The following CWF19L2 variants were observed in gnomAD, a reference collection of about 807,000 sequenced individuals.
The protein encoded by CWF19L2 is CWF19 like cell cycle control factor 2.
CWF19L2 carries 98 observed loss-of-function variants against 111.7 expected under a neutral mutation model. That is an observed-to-expected ratio of 0.88 (90% CI 0.75 to 1.04). CWF19L2 has a LOEUF of 1.04. Among genes scored for constraint, CWF19L2 ranks in the 50% least tolerant of loss-of-function variants. The pLI, the probability that CWF19L2 is intolerant of heterozygous loss-of-function variation, is 0.00. For synonymous variants in CWF19L2, 351 were observed against 342.9 expected (o/e 1.02, Z -0.26); for missense variants, 1,101 against 1,051.4 (o/e 1.05, Z -0.65).
chr11:107,359,433 C>T (rs1860289631), intron 12 of CWF19L2, among the ~76,000 whole-genome samples: 1 of 152,256 alleles, frequency 6.6e-6, no homozygotes, highest in South Asian at 2.1e-4. Flanking sequence ...GCTATGTCTT[C>T]CAGGATATAG....
Position 107,454,435 on chromosome 11 carries a change from T to G in CWF19L2, c.339+15A>C, listed in dbSNP as rs1861823798. The G allele has an allele frequency of 1.5e-6, 2 of 1,374,968 alleles. No homozygotes were observed. Among genetic ancestry groups the G allele is most frequent in the Non-Finnish European group, 1.9e-6 (2 of 1,061,510 alleles). 85.2% of individuals were successfully genotyped at this position (1,374,968 alleles called of 1,614,324 possible). On this transcript the variant is annotated intron_variant, in intron 3 of 17. Transcript: ENST00000282251. ...TCTCAAATAGCTGCTTTGATTAATT[T>G]TAGTACATACTTACTGATGAGCTAT...
At chr11:107,391,568 T>C (rs1860847570) in intron 11 of CWF19L2, among the ~76,000 whole-genome samples, 1 of 152,252 alleles carries the variant, frequency 6.6e-6, no homozygotes, top group Non-Finnish European at 1.5e-5. Context: ...GCTGATATTC[T>C]GGTCTCCATC....
intron 14 of CWF19L2, among the ~76,000 whole-genome samples, chr11:107,338,958 G>A (rs1859967128): frequency 6.6e-6 from 1 of 152,122 alleles, no homozygotes; most frequent in Non-Finnish European, 1.5e-5. Flanking sequence ...TGGGTCAAAT[G>A]GTATGCCTCT....
At chr11:107,383,957 C>A (rs1406185299) in intron 12 of CWF19L2, among the ~76,000 whole-genome samples, 3 of 152,172 alleles carry the variant, frequency 2.0e-5, no homozygotes, top group Non-Finnish European at 2.9e-5. Flanking sequence ...TCCAAGATTA[C>A]TGAACTATTT....
intron 14 of CWF19L2, among the ~76,000 whole-genome samples, chr11:107,348,478 C>A: frequency 6.6e-6 from 1 of 152,206 alleles, no homozygotes; most frequent in Non-Finnish European, 1.5e-5. Context: ...AAGCTAGTAA[C>A]AAAATCACCA....
chr11:107,441,647 C>A, intron 4 of CWF19L2, 25 bp from the exon 5 acceptor site: 3 of 1,501,446 alleles, frequency 2.0e-6, no homozygotes, highest in South Asian at 1.3e-5. Flanking sequence ...GACATAAAAT[C>A]AACAGTCATC....
intron 11 of CWF19L2, among the ~76,000 whole-genome samples, chr11:107,391,572 C>A (rs1412195341): frequency 6.6e-6 from 1 of 152,190 alleles, no homozygotes; most frequent in African/African-American, 2.4e-5. Flanking sequence ...ATATTCTGGT[C>A]TCCATCTAAT....
intron 12 of CWF19L2, among the ~76,000 whole-genome samples, chr11:107,362,387 A>G (rs886208720): frequency 2.8e-4 from 43 of 151,832 alleles, no homozygotes; most frequent in African/African-American, 1.0e-3. Flanking sequence ...AAACAAACAA[A>G]AAGACAGCAG....
intron 12 of CWF19L2, among the ~76,000 whole-genome samples, chr11:107,357,932 G>A (rs187224239): frequency 6.6e-6 from 1 of 152,202 alleles, no homozygotes; most frequent in East Asian, 1.9e-4. Flanking sequence ...AAGAAAAGAG[G>A]AGCATGAAAA....
intron 10 of CWF19L2, among the ~76,000 whole-genome samples, chr11:107,406,703 G>T: frequency 6.8e-6 from 1 of 146,864 alleles, no homozygotes; most frequent in African/African-American, 2.5e-5. Context: ...TTTTTAGATT[G>T]GCCTTCTTAG....
chr11:107,369,535 G>A (rs1221916622), intron 12 of CWF19L2, among the ~76,000 whole-genome samples: 2 of 137,588 alleles, frequency 1.5e-5, no homozygotes, highest in Non-Finnish European at 3.1e-5. Context: ...GGCCCACAAT[G>A]ACATTCTAGC....
chr11:107,345,538 CA>C (rs1860067598), intron 14 of CWF19L2: 1 of 442,406 alleles, frequency 2.3e-6, no homozygotes, highest in African/African-American at 2.1e-5. Context: ...GAATTATAAA[CA>C]AAAACTGAAA....
intron 16 of CWF19L2, among the ~76,000 whole-genome samples, chr11:107,332,790 T>G (rs1859869020): frequency 6.6e-6 from 1 of 152,094 alleles, no homozygotes; most frequent in Non-Finnish European, 1.5e-5. Flanking sequence ...TATGTACTCT[T>G]CTCATTCTTA....
At position 107,441,368 on chromosome 11, in the gene CWF19L2, G is replaced by A. The variant is rs1861616239; in HGVS notation, c.570+135C>T. On this transcript the variant is annotated intron_variant, in intron 5 of 17. Coordinates refer to ENST00000282251, the MANE Select transcript of CWF19L2 (RefSeq NM_152434.3). ...TTTTCTTAAACTGATGTATTTCATA[G>A]TTGTTCTCACTAATTGTATTAAATA... 6 of 676,434 alleles carry A rather than the reference G, an allele frequency of 8.9e-6. No homozygotes were observed. In the East Asian group the frequency reaches 2.0e-4, roughly 22 times the overall value. 41.9% of individuals were successfully genotyped at this position (676,434 alleles called of 1,614,324 possible).
At position 107,368,497 on chromosome 11, in the gene CWF19L2, C is replaced by T. The variant is rs1404323437; in HGVS notation, c.1873-14761G>A. ...TTGTCTGGCATACACATCCACTTGCCGTCACAGTAACTACTAAACTTCATG... is the reference window on the plus strand; with the variant it reads ...TTGTCTGGCATACACATCCACTTGCTGTCACAGTAACTACTAAACTTCATG... On this transcript the variant is annotated intron_variant, in intron 12 of 17. Coordinates refer to ENST00000282251, the MANE Select transcript of CWF19L2 (RefSeq NM_152434.3). Among the ~76,000 whole-genome samples the T allele has an allele frequency of 2.2e-5, 3 of 137,424 alleles. 1 individual carries two copies. The highest frequency in any genetic ancestry group is 3.1e-5 in the Non-Finnish European group (2 of 64,124). 90.2% of individuals were successfully genotyped at this position (137,424 alleles called of 152,430 possible).
intron 12 of CWF19L2, among the ~76,000 whole-genome samples, chr11:107,389,428 T>C (rs1459335956): frequency 6.6e-6 from 1 of 152,214 alleles, no homozygotes; most frequent in Non-Finnish European, 1.5e-5. Flanking sequence ...TAGGCTGAAT[T>C]TTTCCCATAG....
At chr11:107,424,866 A>C (rs533786589) in intron 8 of CWF19L2, among the ~76,000 whole-genome samples, 18 of 152,030 alleles carry the variant, frequency 1.2e-4, no homozygotes, top group Non-Finnish European at 2.4e-4. Flanking sequence ...AAAGACATTT[A>C]AATGAAAGTT....
intron 12 of CWF19L2, among the ~76,000 whole-genome samples, chr11:107,382,308 T>C (rs1860698863): frequency 6.6e-6 from 1 of 152,184 alleles, no homozygotes; most frequent in African/African-American, 2.4e-5. Flanking sequence ...CATGAGTCAT[T>C]TGAATGACAG....
intron 8 of CWF19L2, among the ~76,000 whole-genome samples, chr11:107,421,908 A>C (rs1328622914): frequency 6.6e-6 from 1 of 152,118 alleles, no homozygotes; most frequent in Non-Finnish European, 1.5e-5. Context: ...TTTGTACCTG[A>C]ATGTTCAGAA....
Sources: gnomAD v4.1 joint callset for allele counts (sites outside exome capture counted in the v4.1 genomes callset) on GRCh38, gnomAD v4.1.1 for gene constraint, MANE v1.5 for transcripts, NCBI Gene and HGNC (gene_info 2026-07-23, HGNC 2026-07-21) for gene names.